The following ZBTB4 variants were observed in gnomAD, a reference collection of about 807,000 sequenced individuals.
The protein encoded by ZBTB4 is zinc finger and BTB domain containing 4, also known as zinc finger and BTB domain-containing protein 4.
In ZBTB4, 14 loss-of-function variants were observed where a neutral mutation model predicts 59.8. That is an observed-to-expected ratio of 0.23 (90% CI 0.15 to 0.37). The LOEUF is 0.37. ZBTB4 is among the 10% of genes least tolerant of loss of function. The pLI is 1.00. For synonymous variants in ZBTB4, 587 were observed against 575.2 expected, an observed-to-expected ratio of 1.02 and a Z score of -0.29; for missense variants, 1,198 against 1,380.8, an observed-to-expected ratio of 0.87 and a Z score of 2.10.
intron 1 of ZBTB4, among the ~76,000 whole-genome samples, chr17:7,477,782 T>C (rs1199135815): frequency 6.6e-6 from 1 of 152,102 alleles, no homozygotes; most frequent in Non-Finnish European, 1.5e-5. Flanking sequence ...TTTTCCATTT[T>C]AGTGACAAGA....
chr17:7,476,135 T>G (rs1346020370), intron 1 of ZBTB4, among the ~76,000 whole-genome samples: 1 of 152,174 alleles, frequency 6.6e-6, no homozygotes, highest in Non-Finnish European at 1.5e-5. Context: ...AGCTATCCCC[T>G]GGCCTCCAGG....
chr17:7,467,983 G>A (rs748951355), intron 1 of ZBTB4, among the ~76,000 whole-genome samples: 1 of 152,168 alleles, frequency 6.6e-6, no homozygotes, highest in Non-Finnish European at 1.5e-5. Context: ...CTGGTCCCAC[G>A]CCTTACTCAG....
intron 3 of ZBTB4, among the ~76,000 whole-genome samples, chr17:7,464,431 G>GAAAAAAAAAAAAAAAAA (rs55956412): frequency 2.1e-5 from 2 of 96,184 alleles, no homozygotes; most frequent in Non-Finnish European, 2.0e-5. Context: ...GTCAAAAAAA[G>GAAAAAAAAAAAAAAAAA]AAAAAAAAAA....
In ZBTB4 at chr17:7,463,615, G is replaced by A. The variant is rs375136406; in HGVS notation, c.1367C>T (p.Pro456Leu). 1.5e-4 allele frequency: 240 copies of A among 1,605,686 alleles called. No individual in the cohort carries two copies. Among genetic ancestry groups the A allele is most frequent in the African/African-American group, 2.9e-4 (22 of 74,600 alleles). ...PAPVAMPASP[P>L]PGPPPAPEPG... ...CTCTGGGGCAGGTGGAGGCCCAGGC[G>A]GCGGGCTGGCTGGCATTGCCACAGG... The change falls in exon 4 of 4, where the codon CCG (proline) becomes CTG (leucine). Residue 456 changes from proline to leucine, a missense_variant. Around this residue, in one of 9 missense-constraint regions of ZBTB4, gnomAD observed 550 missense variants for 541.8 expected, o/e 1.02. Coordinates refer to ENST00000380599, the MANE Select transcript of ZBTB4 (RefSeq NM_001128833.2).
intron 1 of ZBTB4, among the ~76,000 whole-genome samples, chr17:7,471,821 A>C (rs1343981375): frequency 6.6e-6 from 1 of 152,198 alleles, no homozygotes; most frequent in East Asian, 1.9e-4. Flanking sequence ...GTCCTGGAAA[A>C]TGGTGGGGAG....
At position 7,463,033 on chromosome 17, in the gene ZBTB4, T is replaced by C; in HGVS notation, c.1949A>G (p.Glu650Gly). ...ACCAGCCTTTGATTCCTCCTCATCC[T>C]CCTCCTCCTCCTCTTCGTCCTCCTC... is the stretch of plus-strand genomic sequence containing the variant. Reference protein sequence around the residue: ...EEEEDEEEEEEDEEESKAGGE... With the variant: ...EEEEDEEEEEGDEEESKAGGE... The change falls in exon 4 of 4, where the codon GAG (glutamate) becomes GGG (glycine). Residue 650 changes from glutamate to glycine, a missense_variant. Glu to Gly is a moderately conservative substitution (Grantham distance 98). Coordinates refer to ENST00000380599, the MANE Select transcript of ZBTB4 (RefSeq NM_001128833.2). 2 of 1,611,038 alleles carry C rather than the reference T, an allele frequency of 1.2e-6. No homozygotes were observed. Among genetic ancestry groups the C allele is most frequent in the Non-Finnish European group, 1.7e-6 (2 of 1,179,504 alleles).
rs1173322024 is a variant in ZBTB4, at chr17:7,461,945, C to T, written c.3037G>A (p.Gly1013Arg). The T allele has an allele frequency of 1.3e-6, 2 of 1,541,604 alleles. No homozygotes were observed. Among genetic ancestry groups the T allele is most frequent in the African/African-American group, 1.4e-5 (1 of 72,642 alleles). The change falls in exon 4 of 4, where the codon GGG becomes AGG. Residue 1013 changes from glycine to arginine, a missense_variant. Coordinates refer to ENST00000380599, the MANE Select transcript of ZBTB4 (RefSeq NM_001128833.2). Reference sequence around the variant, plus strand: ...GGGGGATTGAGCCCCAGGGTTCACCCCACATCGCCCTTCTGGGTTCTCTCA... The same window carrying T: ...GGGGGATTGAGCCCCAGGGTTCACCTCACATCGCCCTTCTGGGTTCTCTCA... ...GVERTQKGDV[G>R] is the part of the protein sequence containing the mutation.
upstream of ZBTB4, chr17:7,482,470 G>A: frequency 6.2e-7 from 1 of 1,614,020 alleles, no homozygotes; most frequent in Non-Finnish European, 8.5e-7. Context: ...GGTGTGGACT[G>A]TTGGGCAGCA....
At chr17:7,479,208 T>C (rs987730604) in intron 1 of ZBTB4, among the ~76,000 whole-genome samples, 3 of 151,768 alleles carry the variant, frequency 2.0e-5, no homozygotes, top group African/African-American at 7.3e-5. Flanking sequence ...CCCCAGGCGA[T>C]CGCGTCCCAC....
upstream of ZBTB4, chr17:7,481,656 G>A: frequency 1.5e-6 from 1 of 685,048 alleles, no homozygotes; most frequent in Non-Finnish European, 2.4e-6. Flanking sequence ...GATGTCTCTG[G>A]AACCTGTGGC....
At chr17:7,473,370 A>C (rs577776205) in intron 1 of ZBTB4, among the ~76,000 whole-genome samples, 4 of 151,906 alleles carry the variant, frequency 2.6e-5, no homozygotes, top group East Asian at 3.9e-4. Flanking sequence ...CCACTTCGGC[A>C]TCCCAAAGTG....
intron 3 of ZBTB4, among the ~76,000 whole-genome samples, chr17:7,464,858 TAA>T (rs919511040): frequency 8.5e-6 from 1 of 117,696 alleles, no homozygotes. Flanking sequence ...AATGCCGTCT[TAA>T]AAAAAAAAAA....
chr17:7,465,954 G>A lies in ZBTB4; in HGVS notation c.848C>T (p.Ala283Val). 6.2e-7 allele frequency: 1 copy of A among 1,604,116 alleles called. No individual in the cohort carries two copies. The highest frequency in any genetic ancestry group is 8.5e-7 in the Non-Finnish European group (1 of 1,173,402). ...AGPGGPAGVD[A>V]SALPPPVGFR... The stretch of plus-strand genomic sequence containing the variant: ...GCCCACTGGTGGAGGCAGGGCTGAG[G>A]CGTCCACCCCTGCAGGACCACCAGG... The change falls in exon 3 of 4, where the codon GCC becomes GTC. Residue 283 changes from alanine (A) to valine (V), a missense_variant. Ala to Val is a moderately conservative substitution (Grantham distance 64). This residue lies in a region of ZBTB4 where 204 missense variants were observed against 205.5 expected (regional missense o/e 0.99). Transcript: ENST00000380599.
intron 1 of ZBTB4, among the ~76,000 whole-genome samples, chr17:7,469,889 C>T (rs919745214): frequency 1.9e-4 from 29 of 152,026 alleles, no homozygotes; most frequent in African/African-American, 6.7e-4. Context: ...TGAGACCATC[C>T]TGAAAAACAT....
chr17:7,468,108 C>T (rs1218817816), intron 1 of ZBTB4, among the ~76,000 whole-genome samples: 2 of 152,246 alleles, frequency 1.3e-5, no homozygotes, highest in Non-Finnish European at 2.9e-5. Flanking sequence ...CGGGGGCTCA[C>T]GCCCGTAATC....
At chr17:7,483,075 G>A (rs1021770918), upstream of ZBTB4, 1 of 1,596,548 alleles carries the variant, frequency 6.3e-7, no homozygotes, top group Non-Finnish European at 8.5e-7. Flanking sequence ...AAACATGGGA[G>A]GAGAAGTGAC....
At chr17:7,477,990 C>T (rs1010340231) in intron 1 of ZBTB4, among the ~76,000 whole-genome samples, 3 of 152,130 alleles carry the variant, frequency 2.0e-5, no homozygotes, top group Non-Finnish European at 4.4e-5. Flanking sequence ...ATGCGCTACC[C>T]TGCATTTATC....
At chr17:7,482,204 A>G, upstream of ZBTB4, 1 of 1,613,956 alleles carries the variant, frequency 6.2e-7, no homozygotes, top group Non-Finnish European at 8.5e-7. Flanking sequence ...GGAGCTGCTC[A>G]TCTGTCGATG....
In ZBTB4 at chr17:7,462,128, G is replaced by C; in HGVS notation, c.2854C>G (p.Leu952Val). The change falls in exon 4 of 4, where the codon CTA (leucine) becomes GTA (valine). Residue 952 changes from leucine (L) to valine (V), a missense_variant. Physicochemically the swap from Leu to Val is conservative, Grantham distance 32. Coordinates refer to ENST00000380599, the MANE Select transcript of ZBTB4 (RefSeq NM_001128833.2). The surrounding 1 kb of genome is among the most constrained non-coding windows in gnomAD (Gnocchi z 7.5). ...GCCCCCGCACCCTTCTCATCAGGTAGGACCATGTTGAGAGCAACCGGGAGA... is the reference window on the plus strand; with the variant it reads ...GCCCCCGCACCCTTCTCATCAGGTACGACCATGTTGAGAGCAACCGGGAGA... ...AALPVALNMV[L>V]PDEKGAGALP... 1 of 1,613,686 alleles carries C rather than the reference G, an allele frequency of 6.2e-7. No individual in the cohort carries two copies. Among genetic ancestry groups the C allele is most frequent in the East Asian group, 2.2e-5 (1 of 44,880 alleles).
Sources: allele counts gnomAD v4.1 joint callset (sites outside exome capture counted in the v4.1 genomes callset), GRCh38; gene constraint gnomAD v4.1.1; regional missense constraint gnomAD v4.1.1; non-coding constraint Gnocchi (gnomAD v3.1); transcripts MANE v1.5; gene names NCBI Gene and HGNC (gene_info 2026-07-23, HGNC 2026-07-21).